ZBTB7C: variants seen among roughly 807,000 people sequenced by gnomAD.
ZBTB7C encodes zinc finger and BTB domain-containing protein 7C.
Under a neutral mutation model 25.7 loss-of-function variants are expected in ZBTB7C, and 8 were observed. That is an observed-to-expected ratio of 0.31 (90% CI 0.18 to 0.56). ZBTB7C has a LOEUF of 0.56. Among genes scored for constraint, ZBTB7C ranks in the 20% least tolerant of loss-of-function variants. ZBTB7C has a pLI of 0.91. For synonymous variants in ZBTB7C, 394 were observed against 369.0 expected (o/e 1.07, Z -0.78); for missense variants, 824 against 855.2 (o/e 0.96, Z 0.46).
At chr18:48,208,517 A>G (rs1368225018) in intron 2 of ZBTB7C, among the ~76,000 whole-genome samples, 2 of 152,180 alleles carry the variant, frequency 1.3e-5, no homozygotes, top group African/African-American at 2.4e-5. Context: ...GTGGGGGAAT[A>G]TCTTAGTTGG....
At chr18:48,055,447 G>T (rs1338182505) in intron 3 of ZBTB7C, among the ~76,000 whole-genome samples, 4 of 151,316 alleles carry the variant, frequency 2.6e-5, no homozygotes, top group Non-Finnish European at 5.9e-5. Flanking sequence ...CCAAGTACGG[G>T]CTGGGTGCTA....
At chr18:48,153,950 G>T (rs1271995364) in intron 3 of ZBTB7C, among the ~76,000 whole-genome samples, 1 of 152,198 alleles carries the variant, frequency 6.6e-6, no homozygotes, top group Non-Finnish European at 1.5e-5. Context: ...CTGAGGAAAG[G>T]GTCAGGAAGT....
At chr18:48,218,386 C>T (rs2042875183) in intron 2 of ZBTB7C, among the ~76,000 whole-genome samples, 1 of 152,226 alleles carries the variant, frequency 6.6e-6, no homozygotes, top group South Asian at 2.1e-4. Flanking sequence ...GGTATTCCCT[C>T]CTAGAATGAA....
intron 2 of ZBTB7C, among the ~76,000 whole-genome samples, chr18:48,325,984 C>T (rs1480652108): frequency 2.0e-5 from 3 of 151,870 alleles, no homozygotes; most frequent in Admixed American, 6.6e-5. Flanking sequence ...GCAAAGGACA[C>T]GGTATCTTGG....
chr18:48,130,646 C>T (rs1426602446), intron 3 of ZBTB7C, among the ~76,000 whole-genome samples: 1 of 152,108 alleles, frequency 6.6e-6, no homozygotes, highest in African/African-American at 2.4e-5. Context: ...GCAGAAGCCC[C>T]CTTTTATAAA....
At chr18:48,127,767 C>T (rs1283681735) in intron 3 of ZBTB7C, among the ~76,000 whole-genome samples, 1 of 152,178 alleles carries the variant, frequency 6.6e-6, no homozygotes, top group African/African-American at 2.4e-5. Context: ...GAAAAGCTTC[C>T]AAGAGTTGGA....
At chr18:48,324,985 A>G (rs1244393866) in intron 2 of ZBTB7C, among the ~76,000 whole-genome samples, 1 of 152,172 alleles carries the variant, frequency 6.6e-6, no homozygotes, top group African/African-American at 2.4e-5. Context: ...CAGGAGGACA[A>G]TGGAGCTGTT....
intron 2 of ZBTB7C, among the ~76,000 whole-genome samples, chr18:48,215,552 A>G (rs2042803282): frequency 6.6e-6 from 1 of 152,242 alleles, no homozygotes; most frequent in South Asian, 2.1e-4. Context: ...CTTGGTTGAA[A>G]GAGTTAAGTT....
chr18:48,211,240 G>C (rs926606627), intron 2 of ZBTB7C, among the ~76,000 whole-genome samples: 18 of 152,130 alleles, frequency 1.2e-4, no homozygotes, highest in African/African-American at 4.3e-4. Context: ...AAAACTCCTA[G>C]AAGATAACAG....
intron 1 of ZBTB7C, among the ~76,000 whole-genome samples, chr18:48,351,236 T>C (rs920791945): frequency 1.6e-4 from 25 of 152,210 alleles, no homozygotes; most frequent in African/African-American, 6.0e-4. Context: ...TACCCCTCCC[T>C]GCTGCCCCCG....
At chr18:48,374,830 T>A (rs1367754400) in intron 1 of ZBTB7C, among the ~76,000 whole-genome samples, 7 of 152,136 alleles carry the variant, frequency 4.6e-5, no homozygotes, top group Non-Finnish European at 1.0e-4. Context: ...TACCCACCTC[T>A]CCCACCACCC....
In ZBTB7C at chr18:48,385,274, T is replaced by A. The variant is rs78370799; in HGVS notation, c.-304+23952A>T. On this transcript the variant is annotated intron_variant, in intron 1 of 4. Transcript: ENST00000590800. ...CTGTAGCTCTTTTTTCAATTTAGAGTCAATATTTTTCTGTTTGGGCCAAAA... is the reference window on the plus strand; with the variant it reads ...CTGTAGCTCTTTTTTCAATTTAGAGACAATATTTTTCTGTTTGGGCCAAAA... Among the ~76,000 whole-genome samples the A allele has an allele frequency of 4.4e-3, 670 of 152,204 alleles. 24 individuals carry two copies. The East Asian group carries it at 0.09, about 20-fold the overall frequency.
At position 48,353,738 on chromosome 18, in the gene ZBTB7C, C is replaced by T. The variant is rs533664008; in HGVS notation, c.-303-15340G>A. On this transcript the variant is annotated intron_variant, in intron 1 of 4. Coordinates refer to ENST00000590800, the MANE Select transcript of ZBTB7C (RefSeq NM_001318841.2). ...GGGCTGGCCTGGTTGCAATGGCACA[C>T]GCTAGGTTCCAGGCACTCCACACGT... 1.1e-4 allele frequency among the ~76,000 whole-genome samples: 16 copies of T among 152,258 alleles called. No individual in the cohort carries two copies. The East Asian group carries it at 1.7e-3, about 17-fold the overall frequency.
chr18:48,412,431 GA>G (rs1000154638), upstream of ZBTB7C, among the ~76,000 whole-genome samples: 1 of 152,202 alleles, frequency 6.6e-6, no homozygotes, highest in Non-Finnish European at 1.5e-5. Flanking sequence ...TTTTATAGAT[GA>G]AAAATCTGAT....
At chr18:48,193,273 C>T (rs1258681269) in intron 2 of ZBTB7C, among the ~76,000 whole-genome samples, 2 of 152,176 alleles carry the variant, frequency 1.3e-5, no homozygotes, top group Non-Finnish European at 2.9e-5. Context: ...TCTGAGAATA[C>T]ACCCCGGGCC....
At chr18:48,268,044 T>C (rs527566439) in intron 2 of ZBTB7C, among the ~76,000 whole-genome samples, 1 of 152,292 alleles carries the variant, frequency 6.6e-6, no homozygotes, top group South Asian at 2.1e-4. Context: ...AGGCCAACAT[T>C]CAAGATATAT....
chr18:48,165,772 A>C (rs2041222776), intron 3 of ZBTB7C, among the ~76,000 whole-genome samples: 1 of 152,222 alleles, frequency 6.6e-6, no homozygotes, highest in Admixed American at 6.5e-5. Context: ...TAACCACAAC[A>C]GCCCCTCTTT....
intron 3 of ZBTB7C, among the ~76,000 whole-genome samples, chr18:48,154,068 G>C (rs752910389): frequency 3.9e-5 from 6 of 152,188 alleles, no homozygotes; most frequent in Non-Finnish European, 5.9e-5. Context: ...TGGATGCAGA[G>C]TCTGAGAGGC....
chr18:48,133,974 T>A (rs1428850027), intron 3 of ZBTB7C, among the ~76,000 whole-genome samples: 1 of 152,114 alleles, frequency 6.6e-6, no homozygotes, highest in African/African-American at 2.4e-5. Context: ...GATAGCCAGC[T>A]GGGTGCTCAC....
Sources: allele counts gnomAD v4.1 joint callset (sites outside exome capture counted in the v4.1 genomes callset), GRCh38; gene constraint gnomAD v4.1.1; transcripts MANE v1.5; gene names NCBI Gene and HGNC (gene_info 2026-07-23, HGNC 2026-07-21).